Variants in BICRA observed in about 807,000 individuals in gnomAD.
BICRA encodes BRD4 interacting chromatin remodeling complex associated protein, also known as BRD4-interacting chromatin-remodeling complex-associated protein.
A neutral mutation model predicts 96.9 loss-of-function variants in BICRA; 31 were observed. The ratio of observed to expected loss-of-function variants is 0.32; its 90% CI spans 0.24 to 0.43. The LOEUF (loss-of-function observed/expected upper bound fraction) is 0.43, where lower values mean the gene tolerates loss of function less well. Ranked by LOEUF, BICRA falls within the 20% of genes least tolerant of loss-of-function variation. The pLI is 1.00. For missense variants in BICRA, 2,283 were observed against 2,190.3 expected, an observed-to-expected ratio of 1.04 and a Z score of -0.84; for synonymous variants, 1,350 against 1,071.8, an observed-to-expected ratio of 1.26 and a Z score of -5.07.
At chr19:47,645,346 C>T (rs747150250) in intron 1 of BICRA, among the ~76,000 whole-genome samples, 5 of 152,294 alleles carry the variant, frequency 3.3e-5, no homozygotes, top group African/African-American at 9.6e-5. Context: ...GGCTACGCAT[C>T]GCTGGTTGGA....
chr19:47,617,943 T>C (rs1013824117), intron 1 of BICRA, among the ~76,000 whole-genome samples: 3 of 152,244 alleles, frequency 2.0e-5, no homozygotes, highest in Admixed American at 6.5e-5. Flanking sequence ...CCAGAGTCTG[T>C]CCTGTTCTAT....
chr19:47,680,348 C>T lies in BICRA; in HGVS notation c.1178C>T (p.Ala393Val). The stretch of plus-strand genomic sequence containing the variant: ...GGGGCGCTCCCGCAGCAGCCCAAGG[C>T]CCCGCAGAACCTGACGTTCATGGCG... The part of the protein sequence containing the change: ...EPGALPQQPK[A>V]PQNLTFMAAG... Residue 393 changes from alanine to valine, a missense_variant, in exon 6 of 15, where the codon GCC (alanine) becomes GTC (valine). By Grantham distance (64) the Ala-to-Val change is moderately conservative. Transcript: ENST00000594866. 1 of 1,532,582 alleles carries T rather than the reference C, an allele frequency of 6.5e-7. No individual in the cohort carries two copies. The highest frequency in any genetic ancestry group is 8.7e-7 in the Non-Finnish European group (1 of 1,145,112). 94.9% of individuals were successfully genotyped at this position (1,532,582 alleles called of 1,614,324 possible). A position where few individuals can be genotyped will look rare whatever the true frequency, so the allele number is the denominator to read the frequency against.
intron 1 of BICRA, among the ~76,000 whole-genome samples, chr19:47,624,024 TGTTTTTAGTAGCGTC>T (rs1334181814): frequency 2.0e-5 from 3 of 151,972 alleles, no homozygotes; most frequent in African/African-American, 4.8e-5. Flanking sequence ...GCTAATTTTG[TGTTTTTAGTAGCGTC>T]GGGGTTTCTC....
At chr19:47,669,095 C>T (rs1972825743) in intron 1 of BICRA, among the ~76,000 whole-genome samples, 1 of 151,680 alleles carries the variant, frequency 6.6e-6, no homozygotes, top group Non-Finnish European at 1.5e-5. Context: ...TAGAGCAAGA[C>T]TCACACACAC....
intron 1 of BICRA, among the ~76,000 whole-genome samples, chr19:47,666,961 A>G (rs933649165): frequency 4.7e-5 from 7 of 149,900 alleles, no homozygotes; most frequent in African/African-American, 1.7e-4. Context: ...ACATAACCAC[A>G]CCTTGGTCAC....
At chr19:47,619,900 C>G (rs1427674417) in intron 1 of BICRA, among the ~76,000 whole-genome samples, 2 of 152,168 alleles carry the variant, frequency 1.3e-5, no homozygotes, top group Admixed American at 6.5e-5. Flanking sequence ...TAACCCCTAT[C>G]AAGATACAGC....
intron 1 of BICRA, among the ~76,000 whole-genome samples, chr19:47,647,985 C>G (rs1014969557): frequency 9.9e-5 from 15 of 151,990 alleles, no homozygotes; most frequent in Non-Finnish European, 2.2e-4. Context: ...TGGGCGGGAA[C>G]TACTGGTGTA....
chr19:47,614,632 C>T (rs914581950), intron 1 of BICRA, among the ~76,000 whole-genome samples: 4 of 152,212 alleles, frequency 2.6e-5, no homozygotes, highest in Non-Finnish European at 5.9e-5. Flanking sequence ...CTAAAACAAA[C>T]AAACAGACAA....
In BICRA at chr19:47,702,355, C is replaced by T. The variant is rs773160218; in HGVS notation, c.4623C>T (p.Pro1541=). The T allele has an allele frequency of 2.0e-6, 3 of 1,533,606 alleles. No homozygotes were observed. The highest frequency in any genetic ancestry group is 2.4e-5 in the South Asian group (2 of 82,764). The allele number at this position is 1,533,606 out of a possible 1,614,324, so 95.0% of individuals were successfully genotyped here. A position where few individuals can be genotyped will look rare whatever the true frequency, so the allele number is the denominator to read the frequency against. Residue 1541 remains proline (P), a synonymous_variant, in exon 15 of 15, where the codon CCC becomes CCT. Coordinates refer to ENST00000594866, the MANE Select transcript of BICRA (RefSeq NM_001394372.1). ...CATCCCCGCCGCCCCTGCACAGGCC[C>T]GAGGCCTACCCACCCTCCAGTCACA... ...TPASPPPLHR[P]EAYPPSSHNG...
intron 7 of BICRA, among the ~76,000 whole-genome samples, chr19:47,688,650 ATGG>A (rs1973194468): frequency 1.3e-5 from 2 of 151,486 alleles, no homozygotes; most frequent in Admixed American, 1.3e-4. Context: ...TTAGCTGGGC[ATGG>A]TGGTGTGTGC....
rs1973482460 is a variant in BICRA, at chr19:47,702,519, G to A, written c.*104G>A. On this transcript the variant is annotated 3_prime_UTR_variant, in exon 15 of 15. Transcript: ENST00000594866. The stretch of plus-strand genomic sequence containing the variant: ...GGACTCGAGCCGGGGATCCCCTGAC[G>A]GTTTTTCTTGCCTAAGTTATTTGAG... The A allele has an allele frequency of 5.4e-6, 7 of 1,299,200 alleles. No homozygotes were observed. Among genetic ancestry groups the A allele is most frequent in the African/African-American group, 1.6e-5 (1 of 63,580 alleles). The allele number at this position is 1,299,200 out of a possible 1,614,324, so 80.5% of individuals were successfully genotyped here. A position where few individuals can be genotyped will look rare whatever the true frequency, so the allele number is the denominator to read the frequency against.
chr19:47,631,926 G>T (rs1300309006), intron 1 of BICRA, among the ~76,000 whole-genome samples: 1 of 152,228 alleles, frequency 6.6e-6, no homozygotes, highest in East Asian at 1.9e-4. Flanking sequence ...TGGGATTAGA[G>T]GCATGAGCTA....
chr19:47,665,753 C>T (rs1972769263), intron 1 of BICRA, among the ~76,000 whole-genome samples: 2 of 152,236 alleles, frequency 1.3e-5, no homozygotes, highest in Admixed American at 1.3e-4. Context: ...GCAGGTGCCG[C>T]AGCGCCCCCA....
intron 1 of BICRA, among the ~76,000 whole-genome samples, chr19:47,664,862 G>T (rs1227930525): frequency 6.6e-6 from 1 of 152,106 alleles, no homozygotes; most frequent in Non-Finnish European, 1.5e-5. Context: ...GACACAGTGC[G>T]CCCACTCCAT....
At chr19:47,654,267 A>C (rs1972582000) in intron 1 of BICRA, among the ~76,000 whole-genome samples, 1 of 152,046 alleles carries the variant, frequency 6.6e-6, no homozygotes. Context: ...TCTGATGTGC[A>C]CTTCCCTGGT....
intron 7 of BICRA, among the ~76,000 whole-genome samples, chr19:47,688,649 C>T (rs563661222): frequency 5.9e-5 from 9 of 151,990 alleles, no homozygotes; most frequent in Middle Eastern, 3.4e-3. Flanking sequence ...ATTAGCTGGG[C>T]ATGGTGGTGT....
chr19:47,681,409 G>T, intron 6 of BICRA, 133 bp downstream of exon 6: 1 of 807,748 alleles, frequency 1.2e-6, no homozygotes, highest in South Asian at 1.6e-5. Flanking sequence ...CTCAGTCATG[G>T]CACAGGTGGC....
At chr19:47,622,488 G>A (rs1387149220) in intron 1 of BICRA, among the ~76,000 whole-genome samples, 1 of 144,958 alleles carries the variant, frequency 6.9e-6, no homozygotes, top group Non-Finnish European at 1.5e-5. Flanking sequence ...ACTTTGGGAG[G>A]CTGAGGCGGG....
intron 10 of BICRA, among the ~76,000 whole-genome samples, chr19:47,696,060 C>CG (rs959029404): frequency 4.0e-5 from 6 of 151,548 alleles, no homozygotes; most frequent in Admixed American, 6.6e-5. Context: ...GGAAGGGAGG[C>CG]GGGGGGGCGA....
Sources: allele counts gnomAD v4.1 joint callset (sites outside exome capture counted in the v4.1 genomes callset), GRCh38; gene constraint gnomAD v4.1.1; transcripts MANE v1.5; gene names NCBI Gene and HGNC (gene_info 2026-07-23, HGNC 2026-07-21).